Variants in POLR2B observed in about 807,000 individuals in gnomAD.
POLR2B encodes DNA-directed RNA polymerase II subunit RPB2.
In POLR2B, 57 loss-of-function variants were observed where a neutral mutation model predicts 144.6. That is an observed-to-expected ratio of 0.39 (90% CI 0.32 to 0.49). The LOEUF is 0.49. POLR2B is among the 20% of genes least tolerant of loss of function. POLR2B has a pLI of 0.83. For missense variants in POLR2B, 595 were observed against 1,467.4 expected (o/e 0.41, Z 9.71); for synonymous variants, 442 against 469.8 (o/e 0.94, Z 0.77).
Position 57,022,923 on chromosome 4 carries a change from A to G in POLR2B, c.2516-407A>G, listed in dbSNP as rs369051931. Reference sequence around the variant, plus strand: ...AGATTGAGTTAAGATGAAATCCACAATTTCTGTGGGAGGATGTGTACAGAG... The same window carrying G: ...AGATTGAGTTAAGATGAAATCCACAGTTTCTGTGGGAGGATGTGTACAGAG... On this transcript the variant is annotated intron_variant, in intron 18 of 24. Coordinates refer to ENST00000314595, the MANE Select transcript of POLR2B (RefSeq NM_000938.3). Among the ~76,000 whole-genome samples, 33 of 152,300 alleles carry G rather than the reference A, an allele frequency of 2.2e-4. No homozygotes were observed. The South Asian group carries it at 6.2e-3, about 29-fold the overall frequency.
chr4:57,011,614 A>G (rs548712373), intron 13 of POLR2B, among the ~76,000 whole-genome samples: 1 of 152,180 alleles, frequency 6.6e-6, no homozygotes, highest in African/African-American at 2.4e-5. Flanking sequence ...CACAAGGTCA[A>G]GAGATTGAGA....
At chr4:56,996,821 C>T (rs1199267409) in intron 6 of POLR2B, among the ~76,000 whole-genome samples, 1 of 152,122 alleles carries the variant, frequency 6.6e-6, no homozygotes, top group Non-Finnish European at 1.5e-5. Flanking sequence ...TGTGGTGGCT[C>T]ATGCCTGTAA....
Position 57,010,855 on chromosome 4 carries a change from T to C in POLR2B, c.1656T>C (p.Asn552=). The change falls in exon 12 of 25, where the codon AAT becomes AAC. Residue 552 remains asparagine, a synonymous_variant. Coordinates refer to ENST00000314595, the MANE Select transcript of POLR2B (RefSeq NM_000938.3). ...LEFLEEWSME[N]LEEISPAAIA... The stretch of plus-strand genomic sequence containing the variant: ...TTTTAGAAGAATGGAGTATGGAAAA[T>C]TTAGAAGAAATTTCTCCTGCAGCTA... 6.2e-7 allele frequency: 1 copy of C among 1,610,640 alleles called. No individual in the cohort carries two copies. The highest frequency in any genetic ancestry group is 8.5e-7 in the Non-Finnish European group (1 of 1,177,570).
In POLR2B at chr4:57,023,290, G is replaced by C; in HGVS notation, c.2516-40G>C. 6.2e-7 allele frequency: 1 copy of C among 1,607,292 alleles called. No individual in the cohort carries two copies. The highest frequency in any genetic ancestry group is 8.5e-7 in the Non-Finnish European group (1 of 1,175,628). On this transcript the variant is annotated intron_variant, in intron 18 of 24. Coordinates refer to ENST00000314595, the MANE Select transcript of POLR2B (RefSeq NM_000938.3). This position sits in a 1 kb window ranked among gnomAD's most constrained non-coding sequence, Gnocchi z 4.3. The stretch of plus-strand genomic sequence containing the variant: ...TTCATGTATGTGGTTTTTAATCTTT[G>C]TTGGGGATTATGTGACATTCCGTGT...
At chr4:57,018,846 G>A (rs541349784) in intron 16 of POLR2B, among the ~76,000 whole-genome samples, 2 of 152,296 alleles carry the variant, frequency 1.3e-5, no homozygotes, top group African/African-American at 4.8e-5. Context: ...GGAATTCCAG[G>A]TTTGTAGGAG....
At position 57,025,469 on chromosome 4, in the gene POLR2B, T is replaced by C. The variant is rs547136987; in HGVS notation, c.3171T>C (p.Asp1057=). Reference sequence around the variant, plus strand: ...AGCGTTTGAAGCATATGGTGGATGATAAGATTCACTCTCGTGCTAGGGGAC... The same window carrying C: ...AGCGTTTGAAGCATATGGTGGATGACAAGATTCACTCTCGTGCTAGGGGAC... ...YYQRLKHMVD[D]KIHSRARGPI... Residue 1057 remains aspartate, a synonymous_variant, in exon 23 of 25, where the codon GAT becomes GAC. Transcript: ENST00000314595. The C allele has an allele frequency of 1.6e-5, 26 of 1,611,510 alleles. No individual in the cohort carries two copies. The Admixed American group carries it at 2.7e-4, about 17-fold the overall frequency.
At position 57,017,332 on chromosome 4, in the gene POLR2B, G is replaced by A. The variant is rs1355509687; in HGVS notation, c.2154+91G>A. ...CTGTAGTCTTATCTGGAGGGAAAAA[G>A]CCTTTTAATGAAAAGGCTATTAACT... On this transcript the variant is annotated intron_variant, in intron 15 of 24. Transcript: ENST00000314595. This position sits in a 1 kb window ranked among gnomAD's most constrained non-coding sequence, Gnocchi z 4.8. The A allele has an allele frequency of 1.0e-6, 1 of 966,288 alleles. No individual in the cohort carries two copies. Among genetic ancestry groups the A allele is most frequent in the Non-Finnish European group, 1.6e-6 (1 of 633,778 alleles). 59.9% of individuals were successfully genotyped at this position (966,288 alleles called of 1,614,324 possible).
At chr4:56,994,575 A>C (rs1055621830) in intron 4 of POLR2B, 59 bp downstream of exon 4, 5 of 1,459,926 alleles carry the variant, frequency 3.4e-6, no homozygotes, top group Non-Finnish European at 4.8e-6. Context: ...TGAAAATGTA[A>C]TTTTAACCAC....
intron 7 of POLR2B, among the ~76,000 whole-genome samples, chr4:57,004,529 C>T (rs1722960291): frequency 6.6e-6 from 1 of 152,120 alleles, no homozygotes; most frequent in Non-Finnish European, 1.5e-5. Context: ...CCACCCCACG[C>T]AGGCCAAACA....
intron 1 of POLR2B, chr4:56,986,132 C>A: frequency 1.9e-6 from 1 of 521,332 alleles, no homozygotes; most frequent in Non-Finnish European, 3.4e-6. Context: ...ATACAACTTA[C>A]ATTGAACCTT....
At chr4:57,028,551 G>C (rs1608165) in intron 23 of POLR2B, among the ~76,000 whole-genome samples, 24,153 of 152,160 alleles carry the variant, frequency 0.16, 2,140 homozygotes, top group East Asian at 0.4. Flanking sequence ...AAGTAAAACT[G>C]GCTTTTCTCC....
At position 57,023,938 on chromosome 4, in the gene POLR2B, G is replaced by A; in HGVS notation, c.2857-67G>A. 1 of 911,450 alleles carries A rather than the reference G, an allele frequency of 1.1e-6. No homozygotes were observed. The highest frequency in any genetic ancestry group is 2.3e-4 in the Middle Eastern group (1 of 4,434). The allele number at this position is 911,450 out of a possible 1,614,324, so 56.5% of individuals were successfully genotyped here. A position where few individuals can be genotyped will look rare whatever the true frequency, so the allele number is the denominator to read the frequency against. On this transcript the variant is annotated intron_variant, in intron 20 of 24. Coordinates refer to ENST00000314595, the MANE Select transcript of POLR2B (RefSeq NM_000938.3). This position sits in a 1 kb window ranked among gnomAD's most constrained non-coding sequence, Gnocchi z 4.3. Reference sequence around the variant, plus strand: ...GGGACATACAGTAATTCAGTTGGGAGAACTGAAATGTCAGTTCTAGTTTAG... The same window carrying A: ...GGGACATACAGTAATTCAGTTGGGAAAACTGAAATGTCAGTTCTAGTTTAG...
At position 57,022,391 on chromosome 4, in the gene POLR2B, A is replaced by T. The variant is rs559743362; in HGVS notation, c.2515+145A>T. 2.1e-4 allele frequency: 131 copies of T among 619,574 alleles called. 2 individuals carry two copies. In the South Asian group the frequency reaches 2.4e-3, roughly 12 times the overall value. The allele number at this position is 619,574 out of a possible 1,614,324, so 38.4% of individuals were successfully genotyped here. ...TGCAATGAAAGTGTGTTTTCATGTT[A>T]TTCTTAGAGTTCACATCTAAGAAAA... On this transcript the variant is annotated intron_variant, in intron 18 of 24. Transcript: ENST00000314595.
chr4:56,994,898 A>T, intron 5 of POLR2B, 32 bp downstream of exon 5: 1 of 1,222,118 alleles, frequency 8.2e-7, no homozygotes, highest in Non-Finnish European at 1.2e-6. Context: ...AAATTACAAA[A>T]TGGTAGTTAA....
Position 56,986,360 on chromosome 4 carries a change from A to C in POLR2B, c.26A>C (p.Gln9Pro), listed in dbSNP as rs1429804899. ...AATATTTTTGTTTTTACAGATATGC[A>C]ATATGATGAGGATGATGATGAAATC... MYDADEDMQYDEDDDEITP... is the reference protein window; with the variant it reads MYDADEDMPYDEDDDEITP... The change falls in exon 2 of 25, where the codon CAA becomes CCA. Residue 9 changes from glutamine to proline, a missense_variant. Coordinates refer to ENST00000314595, the MANE Select transcript of POLR2B (RefSeq NM_000938.3). 1 of 1,604,474 alleles carries C rather than the reference A, an allele frequency of 6.2e-7. No individual in the cohort carries two copies. The highest frequency in any genetic ancestry group is 1.3e-5 in the African/African-American group (1 of 74,864).
intron 2 of POLR2B, among the ~76,000 whole-genome samples, chr4:56,988,683 T>G (rs570973091): frequency 6.6e-6 from 1 of 152,306 alleles, no homozygotes; most frequent in African/African-American, 2.4e-5. Flanking sequence ...GAGTAAACTT[T>G]TGTAAACACA....
At chr4:56,982,577 CAA>C in intron 1 of POLR2B, among the ~76,000 whole-genome samples, 2 of 150,938 alleles carry the variant, frequency 1.3e-5, no homozygotes, top group Middle Eastern at 3.4e-3. Flanking sequence ...TCTCAAAAAA[CAA>C]AAAAGAGAAT....
At chr4:57,021,213 A>G (rs1401976705) in intron 17 of POLR2B, among the ~76,000 whole-genome samples, 1 of 152,314 alleles carries the variant, frequency 6.6e-6, no homozygotes, top group Non-Finnish European at 1.5e-5. Flanking sequence ...ATACAGTTGC[A>G]TTTAGATAAT....
At chr4:57,026,797 A>G (rs1340260553) in intron 23 of POLR2B, among the ~76,000 whole-genome samples, 1 of 152,176 alleles carries the variant, frequency 6.6e-6, no homozygotes, top group East Asian at 1.9e-4. Flanking sequence ...ACCATGTTTA[A>G]TGAAAAATAT....
Sources: gnomAD v4.1 joint callset for allele counts (sites outside exome capture counted in the v4.1 genomes callset) on GRCh38, gnomAD v4.1.1 for gene constraint, Gnocchi (gnomAD v3.1) non-coding constraint, MANE v1.5 for transcripts, NCBI Gene and HGNC (gene_info 2026-07-23, HGNC 2026-07-21) for gene names.